Variants in YAE1 observed in about 807,000 individuals in gnomAD.
The protein encoded by YAE1 is YAE1 maturation factor of ABCE1, also known as protein YAE1 homolog.
In YAE1, 22 loss-of-function variants were observed where a neutral mutation model predicts 23.0. The observed-to-expected ratio is 0.96, with a 90% confidence interval of 0.68 to 1.37. The LOEUF (loss-of-function observed/expected upper bound fraction) is 1.37. Ranked by LOEUF, YAE1 falls within the 40% of genes most tolerant of loss-of-function variation. The pLI is 0.00. For missense variants in YAE1, 260 were observed against 262.1 expected (o/e 0.99, Z 0.06); for synonymous variants, 101 against 97.0 (o/e 1.04, Z -0.24).
intron 2 of YAE1, among the ~76,000 whole-genome samples, chr7:39,608,351 G>A (rs1405716757): frequency 1.3e-5 from 2 of 152,208 alleles, no homozygotes; most frequent in Admixed American, 6.5e-5. Flanking sequence ...TACACAGAAG[G>A]CACCTGTGTT....
intron 2 of YAE1, among the ~76,000 whole-genome samples, chr7:39,592,835 T>C (rs552714470): frequency 2.6e-5 from 4 of 152,346 alleles, no homozygotes; most frequent in African/African-American, 9.6e-5. Flanking sequence ...TAGTTCTCTT[T>C]GCACTTATCC....
chr7:39,571,003 G>T (rs989135492), intron 2 of YAE1: 2 of 162,762 alleles, frequency 1.2e-5, no homozygotes, highest in Admixed American at 1.3e-4. Flanking sequence ...AGATAAAATT[G>T]ATTTAATTTA....
chr7:39,575,575 A>AGAGAGTGAGAGAGAGAGAGT (rs1339594299), downstream of YAE1, among the ~76,000 whole-genome samples: 73 of 81,712 alleles, frequency 8.9e-4, no homozygotes, highest in African/African-American at 5.4e-3. Flanking sequence ...AGAGAGAGAG[A>AGAGAGTGAGAGAGAGAGAGT]GAGTGAGTGT....
chr7:39,572,670 A>C lies in YAE1; in HGVS notation c.645A>C (p.Leu215=), dbSNP rs745977416. 5 of 1,608,018 alleles carry C rather than the reference A, an allele frequency of 3.1e-6. No homozygotes were observed. Among genetic ancestry groups the C allele is most frequent in the Non-Finnish European group, 4.2e-6 (5 of 1,178,214 alleles). Reference sequence around the variant, plus strand: ...CCAGTTTAGTTAAACAGCTGGGCCTATCAGTAGATGTATTACAACACCTCA... The same window carrying C: ...CCAGTTTAGTTAAACAGCTGGGCCTCTCAGTAGATGTATTACAACACCTCA... ...QTASLVKQLG[L]SVDVLQHLKQ... The change falls in exon 3 of 3, where the codon CTA becomes CTC. Residue 215 remains leucine (L), a synonymous_variant. Transcript: ENST00000223273.
intron 2 of YAE1, among the ~76,000 whole-genome samples, chr7:39,594,482 C>T (rs1244863202): frequency 1.3e-5 from 2 of 152,168 alleles, no homozygotes. Flanking sequence ...CCATTTTCTG[C>T]CTACTTTGGT....
rs747140247 is a variant in YAE1 at position 39,572,381 on chromosome 7, A to G, written c.356A>G (p.Lys119Arg). 19 of 1,614,170 alleles carry G rather than the reference A, an allele frequency of 1.2e-5. No homozygotes were observed. Among genetic ancestry groups the G allele is most frequent in the Middle Eastern group, 1.6e-4 (1 of 6,062 alleles). The change falls in exon 3 of 3, where the codon AAA becomes AGA. Residue 119 changes from lysine (K) to arginine (R), a missense_variant. Lys to Arg is a conservative substitution (Grantham distance 26). Transcript: ENST00000223273. ...GGCCAGTGTGAAGAGTATGTGCTCA[A>G]ACATCTGAAATCAATCACTCCACCG... ...AVGQCEEYVLKHLKSITPPSH... is the reference protein window; with the variant it reads ...AVGQCEEYVLRHLKSITPPSH...
chr7:39,596,966 A>G (rs945928752), intron 2 of YAE1, among the ~76,000 whole-genome samples: 1 of 152,210 alleles, frequency 6.6e-6, no homozygotes, highest in African/African-American at 2.4e-5. Flanking sequence ...TCTGAAACTG[A>G]CTTTCTTTCT....
intron 2 of YAE1, among the ~76,000 whole-genome samples, chr7:39,590,163 A>C (rs1024181270): frequency 3.9e-5 from 6 of 152,252 alleles, no homozygotes; most frequent in Non-Finnish European, 8.8e-5. Flanking sequence ...TATTTAGTAC[A>C]TTAAGTATTT....
At chr7:39,572,985 C>T (rs1790597431), downstream of YAE1, 1 of 757,306 alleles carries the variant, frequency 1.3e-6, no homozygotes, top group Admixed American at 4.9e-5. Context: ...TGTTTTCAGA[C>T]TCATTAGCAA....
intron 2 of YAE1, chr7:39,609,508 TAA>T (rs1791175436): frequency 7.1e-7 from 1 of 1,406,354 alleles, no homozygotes; most frequent in African/African-American, 1.4e-5. Flanking sequence ...ATCTTCGTTA[TAA>T]GTTTATCAGA....
intron 2 of YAE1, among the ~76,000 whole-genome samples, chr7:39,609,095 C>A (rs1212663915): frequency 6.6e-6 from 1 of 152,196 alleles, no homozygotes; most frequent in Non-Finnish European, 1.5e-5. Flanking sequence ...TGCACTCCAG[C>A]CCGCCAGCCC....
intron 2 of YAE1, among the ~76,000 whole-genome samples, chr7:39,594,961 A>T (rs949609938): frequency 6.6e-6 from 1 of 152,174 alleles, no homozygotes; most frequent in Non-Finnish European, 1.5e-5. Context: ...ATATTTATAT[A>T]TTTAAATAAA....
Position 39,570,096 on chromosome 7 carries a change from T to C in YAE1, c.130-410T>C, listed in dbSNP as rs796905849. 11 of 1,071,408 alleles carry C rather than the reference T, an allele frequency of 1.0e-5. No individual in the cohort carries two copies. The South Asian group carries it at 1.4e-4, about 14-fold the overall frequency. 66.4% of individuals were successfully genotyped at this position (1,071,408 alleles called of 1,614,324 possible). On this transcript the variant is annotated intron_variant, in intron 1 of 2. Transcript: ENST00000223273. ...AGCAGCTCTCTCCAGTTCTTGTCTGTGATGATGCGTACGTTGCTCTGCCGC... is the reference window on the plus strand; with the variant it reads ...AGCAGCTCTCTCCAGTTCTTGTCTGCGATGATGCGTACGTTGCTCTGCCGC...
intron 2 of YAE1, among the ~76,000 whole-genome samples, chr7:39,595,434 C>G (rs1790960969): frequency 6.6e-6 from 1 of 151,044 alleles, no homozygotes; most frequent in African/African-American, 2.4e-5. Context: ...GCCAGAAGAG[C>G]TGGTAAACAC....
intron 2 of YAE1, among the ~76,000 whole-genome samples, chr7:39,596,032 A>G (rs1344895047): frequency 3.3e-5 from 5 of 152,208 alleles, no homozygotes; most frequent in African/African-American, 1.2e-4. Flanking sequence ...TCTGGTCTTA[A>G]CAATAGAGCT....
intron 2 of YAE1, among the ~76,000 whole-genome samples, chr7:39,598,784 CAAAA>C (rs60563799): frequency 2.6e-5 from 2 of 77,216 alleles, no homozygotes; most frequent in Non-Finnish European, 6.6e-5. Context: ...GGTCCTGTCT[CAAAA>C]AAAAAAAAAA....
intron 2 of YAE1, among the ~76,000 whole-genome samples, chr7:39,596,116 G>C (rs1233084311): frequency 6.6e-6 from 1 of 152,174 alleles, no homozygotes; most frequent in African/African-American, 2.4e-5. Flanking sequence ...GTTTGCAAAA[G>C]AGAGGCATTT....
chr7:39,591,942 A>T (rs937768297), intron 2 of YAE1, among the ~76,000 whole-genome samples: 7 of 152,242 alleles, frequency 4.6e-5, no homozygotes, highest in African/African-American at 1.7e-4. Flanking sequence ...TACATTATGT[A>T]GCCTTTTCAG....
intron 2 of YAE1, among the ~76,000 whole-genome samples, chr7:39,601,655 A>G (rs1212664665): frequency 5.9e-5 from 9 of 151,286 alleles, no homozygotes; most frequent in Middle Eastern, 3.2e-3. Context: ...GCTGCTCGGG[A>G]GGCTGAGGCA....
Sources: gnomAD v4.1 joint callset for allele counts (sites outside exome capture counted in the v4.1 genomes callset) on GRCh38, gnomAD v4.1.1 for gene constraint, MANE v1.5 for transcripts, NCBI Gene and HGNC (gene_info 2026-07-23, HGNC 2026-07-21) for gene names.